C1orf21: variants seen among roughly 807,000 people sequenced by gnomAD.
C1orf21 encodes uncharacterized protein C1orf21.
A neutral mutation model predicts 18.7 loss-of-function variants in C1orf21; 3 were observed. The observed-to-expected ratio is 0.16, with a 90% CI of 0.07 to 0.42. The LOEUF is 0.42. Among genes scored for constraint, C1orf21 ranks in the 10% least tolerant of loss-of-function variants. The pLI is 0.99. For synonymous variants in C1orf21, 41 were observed against 46.4 expected (o/e 0.88, Z 0.47); for missense variants, 104 against 143.6 (o/e 0.72, Z 1.41).
At position 184,626,600 on chromosome 1, in the gene C1orf21, C is replaced by T. The variant is rs1241779170; in HGVS notation, c.*7044C>T. ...GTGGTGCTGTGTCCTCTGCAGCCCA[C>T]TGCTGAGGTCCTCCAGACAGGTAAG... On this transcript the variant is annotated 3_prime_UTR_variant, in exon 6 of 6. Transcript: ENST00000235307. The T allele has an allele frequency of 6.6e-6, 1 of 152,338 alleles. No homozygotes were observed. The highest frequency in any genetic ancestry group is 1.5e-5 in the Non-Finnish European group (1 of 68,178). The allele number at this position is 152,338 out of a possible 1,614,324, so 9.4% of individuals were successfully genotyped here.
chr1:184,602,159 G>T (rs906821908), intron 5 of C1orf21, among the ~76,000 whole-genome samples: 9 of 152,154 alleles, frequency 5.9e-5, no homozygotes, highest in Non-Finnish European at 1.5e-5. Flanking sequence ...GTCACTGAGA[G>T]TGAGGTTCTC....
At chr1:184,511,906 G>A (rs1331261547) in intron 3 of C1orf21, among the ~76,000 whole-genome samples, 1 of 152,146 alleles carries the variant, frequency 6.6e-6, no homozygotes, top group Non-Finnish European at 1.5e-5. Context: ...TGGGGGAACT[G>A]CCCCCATGAT....
chr1:184,618,040 G>C (rs1659857593), intron 5 of C1orf21, among the ~76,000 whole-genome samples: 1 of 151,134 alleles, frequency 6.6e-6, no homozygotes, highest in Admixed American at 6.6e-5. Context: ...CTCCCAAATA[G>C]CTGGGACTAC....
intron 5 of C1orf21, among the ~76,000 whole-genome samples, chr1:184,616,880 C>T (rs1172306826): frequency 2.0e-5 from 3 of 152,090 alleles, no homozygotes; most frequent in African/African-American, 4.8e-5. Context: ...CGGTTTCTGC[C>T]GTAGAAGTTT....
rs943632519 is a variant in C1orf21, at chr1:184,621,619, C to T, written c.*2063C>T. The T allele has an allele frequency of 1.7e-4, 26 of 152,486 alleles. No individual in the cohort carries two copies. Among genetic ancestry groups the T allele is most frequent in the African/African-American group, 6.0e-4 (25 of 41,560 alleles). 9.4% of individuals were successfully genotyped at this position (152,486 alleles called of 1,614,324 possible). ...GCTAAACGTCTTCCATTTGACTTCT[C>T]TACTCGGTGTCTCAGACAGTGTCTT... On this transcript the variant is annotated 3_prime_UTR_variant, in exon 6 of 6. Transcript: ENST00000235307.
chr1:184,516,859 G>A (rs539097458), intron 3 of C1orf21, among the ~76,000 whole-genome samples: 7 of 152,280 alleles, frequency 4.6e-5, no homozygotes, highest in Admixed American at 6.5e-5. Context: ...TGAAGACTTG[G>A]AAATTAGGAG....
intron 1 of C1orf21, among the ~76,000 whole-genome samples, chr1:184,461,412 T>C (rs1442976988): frequency 6.6e-6 from 1 of 152,178 alleles, no homozygotes; most frequent in Non-Finnish European, 1.5e-5. Context: ...CCTAGGATAC[T>C]GCAACTGATA....
At chr1:184,454,878 A>G (rs536037565) in intron 1 of C1orf21, among the ~76,000 whole-genome samples, 8 of 152,256 alleles carry the variant, frequency 5.3e-5, no homozygotes, top group East Asian at 3.9e-4. Context: ...CTATATAGAT[A>G]TATATATAAT....
chr1:184,500,970 C>T (rs1657967785), intron 2 of C1orf21, among the ~76,000 whole-genome samples: 1 of 152,206 alleles, frequency 6.6e-6, no homozygotes, highest in Non-Finnish European at 1.5e-5. Context: ...TCCTAGTCTT[C>T]CCCATGTGTT....
At position 184,476,679 on chromosome 1, in the gene C1orf21, A is replaced by G. The variant is rs866445483; in HGVS notation, c.-124-707A>G. ...ATGAAGTTTACGCCAAAAGCTTGACAACTGCTTTGTTGCTTTTCTTCATAT... is the reference window on the plus strand; with the variant it reads ...ATGAAGTTTACGCCAAAAGCTTGACGACTGCTTTGTTGCTTTTCTTCATAT... On this transcript the variant is annotated intron_variant, in intron 1 of 5. Coordinates refer to ENST00000235307, the MANE Select transcript of C1orf21 (RefSeq NM_030806.4). 9.8e-5 allele frequency among the ~76,000 whole-genome samples: 15 copies of G among 152,348 alleles called. No individual in the cohort carries two copies. In the South Asian group the frequency reaches 1.7e-3, roughly 17 times the overall value.
chr1:184,452,059 G>T (rs1321287074), intron 1 of C1orf21, among the ~76,000 whole-genome samples: 3 of 152,264 alleles, frequency 2.0e-5, no homozygotes, highest in East Asian at 3.9e-4. Flanking sequence ...AGCCAAAGCC[G>T]CCTCCTTAAA....
intron 5 of C1orf21, among the ~76,000 whole-genome samples, chr1:184,606,209 A>G (rs1659645322): frequency 6.6e-6 from 1 of 152,166 alleles, no homozygotes; most frequent in Admixed American, 6.5e-5. Flanking sequence ...GAATCCCTAT[A>G]TATTTTTTTC....
At chr1:184,502,678 C>G (rs1657994989) in intron 2 of C1orf21, among the ~76,000 whole-genome samples, 1 of 152,096 alleles carries the variant, frequency 6.6e-6, no homozygotes, top group African/African-American at 2.4e-5. Context: ...TATACTTCCC[C>G]TCGTAGAGAT....
chr1:184,552,315 A>G (rs1658824044), intron 3 of C1orf21, among the ~76,000 whole-genome samples: 2 of 152,384 alleles, frequency 1.3e-5, no homozygotes, highest in South Asian at 2.1e-4. Flanking sequence ...CTTATAGTAT[A>G]TAGTTTAAAA....
chr1:184,572,979 C>T (rs1288452874), intron 3 of C1orf21, among the ~76,000 whole-genome samples: 1 of 151,024 alleles, frequency 6.6e-6, no homozygotes, highest in African/African-American at 2.4e-5. Context: ...ACACTTCAGT[C>T]AAGTGGATGC....
rs193102424 is a variant in C1orf21, at chr1:184,586,940, A to G, written c.190-3799A>G. On this transcript the variant is annotated intron_variant, in intron 3 of 5. Transcript: ENST00000235307. The stretch of plus-strand genomic sequence containing the variant: ...GGTTTTACATTTAAGCCTTTAATCC[A>G]TCTTGAGTTAATTTTTGTATATCGT... Among the ~76,000 whole-genome samples the G allele has an allele frequency of 7.0e-4, 106 of 152,228 alleles. 1 individual carries two copies. The highest frequency in any genetic ancestry group is 2.3e-3 in the African/African-American group (95 of 41,522).
intron 3 of C1orf21, among the ~76,000 whole-genome samples, chr1:184,530,579 A>G (rs1658445553): frequency 6.7e-6 from 1 of 150,082 alleles, no homozygotes; most frequent in African/African-American, 2.4e-5. Flanking sequence ...GAGAGTCTTA[A>G]AAGTCTCTTT....
chr1:184,397,249 T>G (rs987664706), intron 1 of C1orf21, among the ~76,000 whole-genome samples: 1 of 152,158 alleles, frequency 6.6e-6, no homozygotes, highest in African/African-American at 2.4e-5. Flanking sequence ...TGTGGGAACG[T>G]TTATTTGATG....
intron 2 of C1orf21, among the ~76,000 whole-genome samples, chr1:184,505,343 A>ATATG (rs1466131389): frequency 1.5e-5 from 2 of 129,634 alleles, no homozygotes; most frequent in African/African-American, 6.8e-5. Flanking sequence ...ATATATATAC[A>ATATG]CACATGCCAT....
Sources: allele counts gnomAD v4.1 joint callset (sites outside exome capture counted in the v4.1 genomes callset), GRCh38; gene constraint gnomAD v4.1.1; transcripts MANE v1.5; gene names NCBI Gene and HGNC (gene_info 2026-07-23, HGNC 2026-07-21).